APLP2: variants seen among roughly 807,000 people sequenced by gnomAD.
The protein encoded by APLP2 is CDEI box-binding protein.
APLP2 carries 53 observed loss-of-function variants against 89.9 expected under a neutral mutation model. The ratio of observed to expected loss-of-function variants is 0.59; its 90% CI spans 0.47 to 0.74. APLP2 has a LOEUF of 0.74. APLP2 is among the 30% of genes least tolerant of loss of function. The probability of loss-of-function intolerance (pLI) is 0.00; values close to 1 mark genes in which losing one functional copy is unlikely to be tolerated. For synonymous variants in APLP2, 372 were observed against 348.6 expected (o/e 1.07, Z -0.75); for missense variants, 973 against 975.9 (o/e 1.00, Z 0.04).
chr11:130,070,488 C>A, intron 1 of APLP2: 3 of 1,161,964 alleles, frequency 2.6e-6, no homozygotes, highest in Non-Finnish European at 3.2e-6. Context: ...GGGGCGGCCC[C>A]GCGCGGACCC....
At chr11:130,142,833 C>G (rs565017897) in intron 16 of APLP2, among the ~76,000 whole-genome samples, 1 of 152,232 alleles carries the variant, frequency 6.6e-6, no homozygotes, top group African/African-American at 2.4e-5. Context: ...AGGGTGATCT[C>G]AAATCCTGAC....
chr11:130,090,245 GTCT>G (rs1429551824), intron 1 of APLP2, among the ~76,000 whole-genome samples: 2 of 126,846 alleles, frequency 1.6e-5, no homozygotes, highest in African/African-American at 3.1e-5. Flanking sequence ...TTCTAGCTCT[GTCT>G]TTTTTTTTTT....
intron 3 of APLP2, among the ~76,000 whole-genome samples, chr11:130,118,252 C>T (rs900381692): frequency 1.3e-5 from 2 of 152,066 alleles, no homozygotes; most frequent in Non-Finnish European, 2.9e-5. Flanking sequence ...TTGAATAGTT[C>T]GTATAAAACT....
chr11:130,107,454 C>T (rs552167373), intron 1 of APLP2, among the ~76,000 whole-genome samples: 426 of 152,234 alleles, frequency 2.8e-3, no homozygotes, highest in Non-Finnish European at 5.2e-3. Flanking sequence ...TGAGTGAACT[C>T]CCATTCACAA....
rs186507776 is a variant in APLP2 at position 130,123,368 on chromosome 11, G to C, written c.923-244G>C. Among the ~76,000 whole-genome samples, 19 of 152,318 alleles carry C rather than the reference G, an allele frequency of 1.2e-4. No homozygotes were observed. The highest frequency in any genetic ancestry group is 5.2e-4 in the Admixed American group (8 of 15,306). ...ATTGCTCTACGTCAATCTAAACTCAGATCTAGACTCCAGAGGGTGCCAAAA... is the reference window on the plus strand; with the variant it reads ...ATTGCTCTACGTCAATCTAAACTCACATCTAGACTCCAGAGGGTGCCAAAA... On this transcript the variant is annotated intron_variant, in intron 6 of 16. Transcript: ENST00000338167. The surrounding 1 kb of genome is among the most constrained non-coding windows in gnomAD (Gnocchi z 4.0).
intron 1 of APLP2, among the ~76,000 whole-genome samples, chr11:130,097,081 CA>C (rs1231199635): frequency 5.9e-5 from 9 of 152,356 alleles, no homozygotes; most frequent in African/African-American, 2.2e-4. Context: ...TTAAATGCCA[CA>C]TAAATCACAG....
In APLP2 at chr11:130,121,691, T is replaced by C. The variant is rs1454894234; in HGVS notation, c.594T>C (p.Thr198=). The stretch of plus-strand genomic sequence containing the variant: ...GTGGGGTAGACCAGTTCCATGGCAC[T>C]GAATATGTGTGCTGCCCTCAGACAA... ...LPCGVDQFHG[T]EYVCCPQTKI... Residue 198 remains threonine, a synonymous_variant, in exon 5 of 17, where the codon ACT becomes ACC. Transcript: ENST00000338167. The C allele has an allele frequency of 3.7e-6, 6 of 1,614,110 alleles. No individual in the cohort carries two copies. The highest frequency in any genetic ancestry group is 5.1e-6 in the Non-Finnish European group (6 of 1,180,028).
At chr11:130,112,168 A>G (rs1056981942) in intron 3 of APLP2, among the ~76,000 whole-genome samples, 2 of 152,236 alleles carry the variant, frequency 1.3e-5, no homozygotes, top group South Asian at 4.1e-4. Flanking sequence ...CTCACAGGGC[A>G]TTCCGGGATG....
chr11:130,099,928 TAATCG>T (rs1249515172), intron 1 of APLP2, among the ~76,000 whole-genome samples: 1 of 152,240 alleles, frequency 6.6e-6, no homozygotes, highest in Non-Finnish European at 1.5e-5. Context: ...CGTGTTATTT[TAATCG>T]AATCCTCACA....
chr11:130,107,440 A>G (rs1591804414), intron 1 of APLP2, among the ~76,000 whole-genome samples: 2 of 152,298 alleles, frequency 1.3e-5, no homozygotes, highest in South Asian at 4.1e-4. Flanking sequence ...AGAGAGCCAA[A>G]TCGTGAGTGA....
At chr11:130,111,062 C>T (rs919860189) in intron 3 of APLP2, among the ~76,000 whole-genome samples, 2 of 152,148 alleles carry the variant, frequency 1.3e-5, no homozygotes, top group Non-Finnish European at 2.9e-5. Context: ...GACCAAATTT[C>T]TGCTAGTTTT....
At chr11:130,120,959 A>G (rs1949741685) in intron 4 of APLP2, 141 bp downstream of exon 4, 2 of 663,774 alleles carry the variant, frequency 3.0e-6, no homozygotes, top group Non-Finnish European at 5.4e-6. Context: ...CTTCTGTCTT[A>G]TAAGTTAGAA....
intron 3 of APLP2, among the ~76,000 whole-genome samples, chr11:130,114,030 G>A (rs1251570274): frequency 6.6e-6 from 1 of 152,110 alleles, no homozygotes; most frequent in African/African-American, 2.4e-5. Flanking sequence ...ACTACAGTGT[G>A]TATTTTTAAA....
chr11:130,097,800 T>C (rs984939632), intron 1 of APLP2, among the ~76,000 whole-genome samples: 4 of 152,264 alleles, frequency 2.6e-5, no homozygotes, highest in African/African-American at 4.8e-5. Flanking sequence ...TCTTGGTTAA[T>C]ATTACAGAAG....
At chr11:130,137,836 G>C (rs927926774) in intron 13 of APLP2, among the ~76,000 whole-genome samples, 1 of 152,050 alleles carries the variant, frequency 6.6e-6, no homozygotes, top group Admixed American at 6.5e-5. Flanking sequence ...AGACAACCCA[G>C]CTCACTGTAC....
intron 2 of APLP2, 23 bp from the exon 3 acceptor site, chr11:130,110,511 TTGTG>T: frequency 6.2e-7 from 1 of 1,610,594 alleles, no homozygotes; most frequent in African/African-American, 1.3e-5. Flanking sequence ...GATTGATTTA[TTGTG>T]TGTGTGTTTG....
intron 1 of APLP2, among the ~76,000 whole-genome samples, chr11:130,079,359 A>G (rs534304858): frequency 4.3e-4 from 66 of 152,278 alleles, no homozygotes; most frequent in African/African-American, 1.4e-3. Context: ...TTGGCCTACC[A>G]AAGTGCTGAG....
At chr11:130,142,675 G>A (rs1034675529) in intron 16 of APLP2, among the ~76,000 whole-genome samples, 8 of 152,132 alleles carry the variant, frequency 5.3e-5, no homozygotes, top group East Asian at 1.9e-4. Flanking sequence ...GTGCAGTGGC[G>A]CGATCTCAGC....
intron 3 of APLP2, among the ~76,000 whole-genome samples, chr11:130,117,762 G>T (rs1949362786): frequency 6.6e-6 from 1 of 152,158 alleles, no homozygotes; most frequent in Non-Finnish European, 1.5e-5. Flanking sequence ...CCAAGGTGTT[G>T]TATAGATTGA....
Sources: gnomAD v4.1 joint callset for allele counts (sites outside exome capture counted in the v4.1 genomes callset) on GRCh38, gnomAD v4.1.1 for gene constraint, Gnocchi (gnomAD v3.1) non-coding constraint, MANE v1.5 for transcripts, NCBI Gene and HGNC (gene_info 2026-07-23, HGNC 2026-07-21) for gene names.